KIF26B: variants seen among roughly 807,000 people sequenced by gnomAD.
KIF26B encodes kinesin family member 26B, also known as kinesin-like protein KIF26B.
KIF26B carries 63 observed loss-of-function variants against 151.2 expected under a neutral mutation model. That is an observed-to-expected ratio of 0.42 (90% CI 0.34 to 0.51). The LOEUF is 0.51. Among genes scored for constraint, KIF26B ranks in the 20% least tolerant of loss-of-function variants. The probability of loss-of-function intolerance (pLI) is 0.07; values close to 1 mark genes in which losing one functional copy is unlikely to be tolerated. For missense variants in KIF26B, 2,813 were observed against 2,913.6 expected (o/e 0.97, Z 0.79); for synonymous variants, 1,357 against 1,262.1 (o/e 1.08, Z -1.59).
intron 3 of KIF26B, among the ~76,000 whole-genome samples, chr1:245,388,317 A>C (rs907020614): frequency 6.6e-6 from 1 of 152,224 alleles, no homozygotes; most frequent in Non-Finnish European, 1.5e-5. Flanking sequence ...AAAGTACATA[A>C]AATAGCTCAC....
intron 3 of KIF26B, among the ~76,000 whole-genome samples, chr1:245,401,871 AAACAAAC>A (rs766198535): frequency 0.1 from 14,784 of 145,268 alleles, 964 homozygotes; most frequent in East Asian, 0.24. Flanking sequence ...TTCCATCTCC[AAACAAAC>A]AAACAAACAA....
At position 245,239,104 on chromosome 1, in the gene KIF26B, C is replaced by G. The variant is rs1054433753; in HGVS notation, c.465+82421C>G. Reference sequence around the variant, plus strand: ...TCACGTCGCTGTCCTTCTCCCAGCCCATTCATTTTACTTCCCCTCTCAGAA... The same window carrying G: ...TCACGTCGCTGTCCTTCTCCCAGCCGATTCATTTTACTTCCCCTCTCAGAA... On this transcript the variant is annotated intron_variant, in intron 2 of 14. Transcript: ENST00000407071. This position sits in a 1 kb window ranked among gnomAD's most constrained non-coding sequence, Gnocchi z 4.3. Among the ~76,000 whole-genome samples the G allele has an allele frequency of 1.3e-5, 2 of 152,142 alleles. No homozygotes were observed. Among genetic ancestry groups the G allele is most frequent in the African/African-American group, 4.8e-5 (2 of 41,438 alleles).
At chr1:245,548,759 T>TTTAA (rs1553286724) in intron 5 of KIF26B, among the ~76,000 whole-genome samples, 87 of 150,590 alleles carry the variant, frequency 5.8e-4, no homozygotes, top group African/African-American at 2.0e-3. Context: ...TTTTTTTTTT[T>TTTAA]AAAAACAGGG....
chr1:245,560,365 G>A lies in KIF26B; in HGVS notation c.1350+19415G>A, dbSNP rs1343145634. Among the ~76,000 whole-genome samples, 1 of 152,134 alleles carries A rather than the reference G, an allele frequency of 6.6e-6. No individual in the cohort carries two copies. Among genetic ancestry groups the A allele is most frequent in the Admixed American group, 6.5e-5 (1 of 15,278 alleles). On this transcript the variant is annotated intron_variant, in intron 5 of 14. Transcript: ENST00000407071. This position sits in a 1 kb window ranked among gnomAD's most constrained non-coding sequence, Gnocchi z 4.3. ...AGGAGAGAGACTTGTTGAGCTATGC[G>A]TGGAGTGCTGCCTGACAGCTTGCTA...
chr1:245,425,568 G>A (rs1658627444), intron 4 of KIF26B, among the ~76,000 whole-genome samples: 1 of 152,016 alleles, frequency 6.6e-6, no homozygotes, highest in African/African-American at 2.4e-5. Context: ...CACCACACCC[G>A]GCTAATTTTT....
At chr1:245,400,519 G>T (rs1673973577) in intron 3 of KIF26B, among the ~76,000 whole-genome samples, 1 of 141,824 alleles carries the variant, frequency 7.1e-6, no homozygotes. Context: ...AATTACCTTG[G>T]CTACTTGAGG....
intron 8 of KIF26B, among the ~76,000 whole-genome samples, chr1:245,609,988 A>G (rs1347468167): frequency 6.6e-6 from 1 of 152,200 alleles, no homozygotes; most frequent in Non-Finnish European, 1.5e-5. Flanking sequence ...GAACCGTGAT[A>G]TAATTGCTAG....
chr1:245,550,408 G>A (rs1661851225), intron 5 of KIF26B, among the ~76,000 whole-genome samples: 1 of 152,226 alleles, frequency 6.6e-6, no homozygotes. Context: ...TTACAAAAGA[G>A]TGCTCTTGCC....
chr1:245,565,000 G>A lies in KIF26B; in HGVS notation c.1350+24050G>A, dbSNP rs540127905. On this transcript the variant is annotated intron_variant, in intron 5 of 14. Transcript: ENST00000407071. The surrounding 1 kb of genome is among the most constrained non-coding windows in gnomAD (Gnocchi z 4.6). Reference sequence around the variant, plus strand: ...GACTAGCACTGGTCCGTGGCCTGGGGGTTAGGGAGCCCTGCTCTGTTACAG... The same window carrying A: ...GACTAGCACTGGTCCGTGGCCTGGGAGTTAGGGAGCCCTGCTCTGTTACAG... Among the ~76,000 whole-genome samples the A allele has an allele frequency of 3.3e-5, 5 of 152,266 alleles. No individual in the cohort carries two copies. The East Asian group carries it at 9.6e-4, about 29-fold the overall frequency.
At chr1:245,169,807 G>A (rs1668680371) in intron 2 of KIF26B, among the ~76,000 whole-genome samples, 1 of 152,022 alleles carries the variant, frequency 6.6e-6, no homozygotes, top group South Asian at 2.1e-4. Context: ...GCCCCTTTAT[G>A]GTGGTCAGGA....
In KIF26B at chr1:245,429,896, T is replaced by A. The variant is rs548369258; in HGVS notation, c.1166+10151T>A. 2.0e-5 allele frequency among the ~76,000 whole-genome samples: 3 copies of A among 152,300 alleles called. 1 individual carries two copies. The highest frequency in any genetic ancestry group is 7.2e-5 in the African/African-American group (3 of 41,562). On this transcript the variant is annotated intron_variant, in intron 4 of 14. Coordinates refer to ENST00000407071, the MANE Select transcript of KIF26B (RefSeq NM_018012.4). ...TCCCAAAGTGCTGGGATTACAAGCATGAGCCACTGCACCCGGCCTTGTTGT... is the reference window on the plus strand; with the variant it reads ...TCCCAAAGTGCTGGGATTACAAGCAAGAGCCACTGCACCCGGCCTTGTTGT...
At chr1:245,179,620 G>A (rs1235528945) in intron 2 of KIF26B, among the ~76,000 whole-genome samples, 2 of 149,246 alleles carry the variant, frequency 1.3e-5, no homozygotes, top group Non-Finnish European at 2.9e-5. Flanking sequence ...GCGAGACTCC[G>A]ACTCAAAAAC....
At chr1:245,446,299 G>A (rs887644797) in intron 4 of KIF26B, among the ~76,000 whole-genome samples, 1 of 152,192 alleles carries the variant, frequency 6.6e-6, no homozygotes, top group African/African-American at 2.4e-5. Context: ...AGTTGTGCAT[G>A]TGGTCTGTCA....
chr1:245,686,426 C>G lies in KIF26B; in HGVS notation c.3443C>G (p.Pro1148Arg), dbSNP rs759894474. 1.4e-5 allele frequency: 23 copies of G among 1,613,434 alleles called. No homozygotes were observed. Among genetic ancestry groups the G allele is most frequent in the Admixed American group, 3.3e-5 (2 of 60,022 alleles). ...ATGTCTGCTGGGAGCGAAGGGTTCC[C>G]GGAAACTCCTGTCGATGATGAGCAG... The part of the protein sequence containing the change: ...KSMSAGSEGF[P>R]ETPVDDEQQA... The change falls in exon 12 of 15, where the codon CCG (proline) becomes CGG (arginine). Residue 1148 changes from proline (P) to arginine (R), a missense_variant. By Grantham distance (103) the Pro-to-Arg change is moderately radical (BLOSUM62 -2). This residue lies in a region of KIF26B where 2,060 missense variants were observed against 2,088.6 expected (regional missense o/e 0.99). Transcript: ENST00000407071. The surrounding 1 kb of genome is among the most constrained non-coding windows in gnomAD (Gnocchi z 5.6).
chr1:245,212,027 C>T (rs547779201), intron 2 of KIF26B, among the ~76,000 whole-genome samples: 2 of 152,268 alleles, frequency 1.3e-5, no homozygotes, highest in East Asian at 3.9e-4. Context: ...GGTTTGGAGT[C>T]TTGAGGAAGG....
intron 2 of KIF26B, among the ~76,000 whole-genome samples, chr1:245,308,599 G>A (rs1027376155): frequency 1.3e-5 from 2 of 152,164 alleles, no homozygotes; most frequent in African/African-American, 2.4e-5. Flanking sequence ...GGGCATGGTA[G>A]CGTGCACCTG....
chr1:245,494,195 A>G (rs1458082360), intron 4 of KIF26B, among the ~76,000 whole-genome samples: 1 of 152,052 alleles, frequency 6.6e-6, no homozygotes, highest in Non-Finnish European at 1.5e-5. Context: ...AATCCCAGAT[A>G]CTCGGGAGAC....
At chr1:245,622,412 G>A (rs2103164312) in intron 9 of KIF26B, among the ~76,000 whole-genome samples, 1 of 152,308 alleles carries the variant, frequency 6.6e-6, no homozygotes, top group South Asian at 2.1e-4. Context: ...TTAGCCTTAG[G>A]ACAGTGGTTG....
At chr1:245,555,641 A>G (rs1373461815) in intron 5 of KIF26B, among the ~76,000 whole-genome samples, 1 of 152,116 alleles carries the variant, frequency 6.6e-6, no homozygotes, top group Non-Finnish European at 1.5e-5. Flanking sequence ...AAGACAGACA[A>G]ACGTCACCCC....
Sources: allele counts gnomAD v4.1 joint callset (sites outside exome capture counted in the v4.1 genomes callset), GRCh38; gene constraint gnomAD v4.1.1; regional missense constraint gnomAD v4.1.1; non-coding constraint Gnocchi (gnomAD v3.1); transcripts MANE v1.5; gene names NCBI Gene and HGNC (gene_info 2026-07-23, HGNC 2026-07-21).